Variants in NLGN1 observed in about 807,000 individuals in gnomAD.
NLGN1 encodes the protein neuroligin-1.
In NLGN1, 12 loss-of-function variants were observed where a neutral mutation model predicts 65.5. The ratio of observed to expected loss-of-function variants is 0.18; its 90% CI spans 0.12 to 0.30. The LOEUF is 0.30. Among genes scored for constraint, NLGN1 ranks in the 10% least tolerant of loss-of-function variants. The pLI is 1.00. For missense variants in NLGN1, 750 were observed against 1,007.1 expected, an observed-to-expected ratio of 0.74 and a Z score of 3.46; for synonymous variants, 350 against 359.5, an observed-to-expected ratio of 0.97 and a Z score of 0.30.
rs1047192643 is a variant in NLGN1, at chr3:173,420,079, T to C, written c.-389-14931T>C. ...AGATCTTTTTTCTTTTTTTTTTCAT[T>C]ATTATTATTATTATACTTTAAGTTT... On this transcript the variant is annotated intron_variant, in intron 1 of 6. Transcript: ENST00000457714. 1.9e-4 allele frequency among the ~76,000 whole-genome samples: 29 copies of C among 151,670 alleles called. No individual in the cohort carries two copies. In the South Asian group the frequency reaches 6.0e-3, roughly 31 times the overall value.
At chr3:174,149,845 A>T (rs1485361074) in intron 4 of NLGN1, among the ~76,000 whole-genome samples, 1 of 152,106 alleles carries the variant, frequency 6.6e-6, no homozygotes, top group African/African-American at 2.4e-5. Context: ...AGAGCTTTTG[A>T]ATAACTAGGT....
intron 4 of NLGN1, among the ~76,000 whole-genome samples, chr3:173,836,346 G>T (rs924266173): frequency 2.8e-4 from 42 of 151,840 alleles, no homozygotes; most frequent in African/African-American, 1.0e-3. Flanking sequence ...TATTCATTGG[G>T]GTTAGCACCA....
chr3:173,594,119 T>C (rs970287894), intron 2 of NLGN1, among the ~76,000 whole-genome samples: 1 of 152,128 alleles, frequency 6.6e-6, no homozygotes, highest in African/African-American at 2.4e-5. Flanking sequence ...TCAAAACCAA[T>C]CATGCCTTCC....
intron 4 of NLGN1, among the ~76,000 whole-genome samples, chr3:173,915,200 A>G (rs1028659200): frequency 1.3e-5 from 2 of 152,188 alleles, no homozygotes; most frequent in African/African-American, 4.8e-5. Flanking sequence ...TTTTAAATGC[A>G]TTCTTCTGGT....
intron 4 of NLGN1, among the ~76,000 whole-genome samples, chr3:174,028,744 A>G (rs997311194): frequency 3.9e-5 from 6 of 152,232 alleles, no homozygotes; most frequent in African/African-American, 1.4e-4. Flanking sequence ...AAATTTGCAT[A>G]AGTCATGAGG....
rs542206270 is a variant in NLGN1 at position 174,174,842 on chromosome 3, T to C, written c.647-100473T>C. On this transcript the variant is annotated intron_variant, in intron 4 of 6. Transcript: ENST00000457714. ...GTGTCCCACAGGTGATTTTAGAATATTGTGTTTCCATCATCATTTGTTTCA... is the reference window on the plus strand; with the variant it reads ...GTGTCCCACAGGTGATTTTAGAATACTGTGTTTCCATCATCATTTGTTTCA... 7.8e-4 allele frequency among the ~76,000 whole-genome samples: 118 copies of C among 152,126 alleles called. No individual in the cohort carries two copies. In the Middle Eastern group the frequency reaches 0.014, roughly 18 times the overall value.
intron 4 of NLGN1, among the ~76,000 whole-genome samples, chr3:174,193,506 G>A (rs1156401947): frequency 3.3e-5 from 5 of 152,148 alleles, no homozygotes; most frequent in African/African-American, 9.7e-5. Flanking sequence ...AGAAACAAAG[G>A]AAACAGTTTT....
chr3:173,396,736 C>T (rs1716683436), upstream of NLGN1: 1 of 152,250 alleles, frequency 6.6e-6, no homozygotes, highest in Non-Finnish European at 1.5e-5. Flanking sequence ...CGGCGTTTAC[C>T]TTAATCCCGG....
chr3:173,608,557 C>A (rs983732259), intron 3 of NLGN1, among the ~76,000 whole-genome samples: 12 of 151,806 alleles, frequency 7.9e-5, no homozygotes, highest in African/African-American at 2.9e-4. Context: ...CTTTTTATCT[C>A]TATTTTACAA....
intron 2 of NLGN1, among the ~76,000 whole-genome samples, chr3:173,549,490 A>G (rs1740483456): frequency 2.6e-5 from 4 of 152,006 alleles, no homozygotes; most frequent in Non-Finnish European, 5.9e-5. Flanking sequence ...GTGCTTTACT[A>G]TAGTTTCAGT....
At chr3:174,288,690 A>C (rs79612686), downstream of NLGN1, among the ~76,000 whole-genome samples, 8,402 of 151,544 alleles carry the variant, frequency 0.055, 286 homozygotes, top group Non-Finnish European at 0.08. Context: ...AGTTTCTTAG[A>C]AAGTTTAATG....
chr3:173,714,974 G>A (rs1279269400), intron 3 of NLGN1, among the ~76,000 whole-genome samples: 2 of 152,102 alleles, frequency 1.3e-5, no homozygotes, highest in African/African-American at 4.8e-5. Context: ...TCTGCCTTTT[G>A]ATATAACATA....
chr3:174,281,594 A>G lies in NLGN1; in HGVS notation c.*291A>G, dbSNP rs555282435. 61 of 303,860 alleles carry G rather than the reference A, an allele frequency of 2.0e-4. 1 individual carries two copies. In the South Asian group the frequency reaches 4.5e-3, roughly 23 times the overall value. 18.8% of individuals were successfully genotyped at this position (303,860 alleles called of 1,614,324 possible). A position where few individuals can be genotyped will look rare whatever the true frequency, so the allele number is the denominator to read the frequency against. On this transcript the variant is annotated 3_prime_UTR_variant, in exon 7 of 7. Coordinates refer to ENST00000457714, the Ensembl canonical transcript of NLGN1. ...TTACATAATGGAATTAGGCATGTGG[A>G]ACACCAAACAGGAAAGAACTATGTC...
chr3:174,124,552 TATATACGTATATATACGTATACAC>T (rs1718456430), intron 4 of NLGN1, among the ~76,000 whole-genome samples: 1 of 147,364 alleles, frequency 6.8e-6, no homozygotes, highest in Non-Finnish European at 1.5e-5. Flanking sequence ...TATACTTATA[TATATACGTATATATACGTATACAC>T]ATATATACGT....
chr3:173,481,874 T>C (rs1727352033), intron 2 of NLGN1, among the ~76,000 whole-genome samples: 2 of 152,018 alleles, frequency 1.3e-5, no homozygotes, highest in Non-Finnish European at 2.9e-5. Context: ...AAAAAATCTT[T>C]GACACTTTGG....
intron 3 of NLGN1, among the ~76,000 whole-genome samples, chr3:173,632,849 GT>G (rs5854526): frequency 0.41 from 46,558 of 114,950 alleles, 9,013 homozygotes; most frequent in East Asian, 0.54. Context: ...TTTTTTTTTT[GT>G]TTTTTTTTTT....
At chr3:173,530,852 C>G (rs1160752544) in intron 2 of NLGN1, among the ~76,000 whole-genome samples, 1 of 151,934 alleles carries the variant, frequency 6.6e-6, no homozygotes, top group Non-Finnish European at 1.5e-5. Context: ...TTTAAATGCT[C>G]TTTGCTTTAG....
intron 4 of NLGN1, among the ~76,000 whole-genome samples, chr3:174,265,550 C>T (rs936203532): frequency 2.0e-5 from 3 of 151,758 alleles, no homozygotes; most frequent in South Asian, 2.1e-4. Context: ...GCACACGGTG[C>T]GCGCACCCAC....
intron 2 of NLGN1, among the ~76,000 whole-genome samples, chr3:173,551,771 A>C (rs914890148): frequency 1.3e-5 from 2 of 152,160 alleles, no homozygotes; most frequent in Non-Finnish European, 2.9e-5. Flanking sequence ...TGTGACCCCC[A>C]CACAAGCTAC....
Sources: allele counts gnomAD v4.1 joint callset (sites outside exome capture counted in the v4.1 genomes callset), GRCh38; gene constraint gnomAD v4.1.1; transcripts MANE v1.5; gene names NCBI Gene and HGNC (gene_info 2026-07-23, HGNC 2026-07-21).